Variants in GLI4 observed in about 807,000 individuals in gnomAD.
GLI4 encodes the protein zinc finger protein GLI4.
A neutral mutation model predicts 30.9 loss-of-function variants in GLI4; 34 were observed. The observed-to-expected ratio is 1.10, with a 90% CI of 0.84 to 1.47. GLI4 has a LOEUF of 1.47. Ranked by LOEUF, GLI4 falls within the 40% of genes most tolerant of loss-of-function variation. The probability of loss-of-function intolerance (pLI) is 0.00; values close to 1 mark genes in which losing one functional copy is unlikely to be tolerated. For missense variants in GLI4, 696 were observed against 538.9 expected (o/e 1.29, Z -2.89); for synonymous variants, 277 against 236.7 (o/e 1.17, Z -1.56).
In GLI4 at chr8:143,267,542, G is replaced by A. The variant is rs571873658; in HGVS notation, c.-38+58G>A. 6.1e-4 allele frequency: 597 copies of A among 985,620 alleles called. 1 individual carries two copies. Among genetic ancestry groups the A allele is most frequent in the Admixed American group, 4.2e-3 (68 of 16,274 alleles). 61.1% of individuals were successfully genotyped at this position (985,620 alleles called of 1,614,324 possible). A position where few individuals can be genotyped will look rare whatever the true frequency, so the allele number is the denominator to read the frequency against. The stretch of plus-strand genomic sequence containing the variant: ...GGTGCCTGGGACCAGCCCAGTCCGA[G>A]CTCGTGCGCCGTACTCCGCGGTGCA... On this transcript the variant is annotated intron_variant, in intron 1 of 3. Coordinates refer to ENST00000340042, the MANE Select transcript of GLI4 (RefSeq NM_138465.4).
At chr8:143,270,700 C>T (rs1381671830) in intron 2 of GLI4, among the ~76,000 whole-genome samples, 1 of 152,200 alleles carries the variant, frequency 6.6e-6, no homozygotes, top group Non-Finnish European at 1.5e-5. Context: ...TCTCCTGTCC[C>T]GTTACCAGTG....
chr8:143,272,874 C>G (rs543244669), intron 2 of GLI4, among the ~76,000 whole-genome samples: 2 of 152,274 alleles, frequency 1.3e-5, no homozygotes, highest in South Asian at 4.1e-4. Flanking sequence ...TCGGCTTGTT[C>G]CGCAGCAGGG....
Position 143,274,783 on chromosome 8 carries a change from CAG to C in GLI4, c.208_209del (p.Asp70HisfsTer23), listed in dbSNP as rs1815347998. On this transcript the variant is annotated frameshift_variant, in exon 3 of 4. Transcript: ENST00000340042. LOFTEE classifies it low-confidence loss of function (END_TRUNC). ...LQDVEEVEIG[R>X]DTFWPDSEPK... ...AAGACGTAGAGGAAGTGGAGATCGG[CAG>C]AGACACCTTCTGGCCCGGTGAGTGA... 3 of 1,566,054 alleles carry C rather than the reference CAG, an allele frequency of 1.9e-6. No homozygotes were observed. The highest frequency in any genetic ancestry group is 1.4e-5 in the African/African-American group (1 of 73,460).
At chr8:143,273,111 T>TCAC (rs1159705169) in intron 2 of GLI4, 1 of 152,326 alleles carries the variant, frequency 6.6e-6, no homozygotes, top group African/African-American at 2.4e-5. Flanking sequence ...TCCTCTCCAG[T>TCAC]GGTGTCCCAG....
At chr8:143,273,158 T>G (rs752664409) in intron 2 of GLI4, 2 of 152,262 alleles carry the variant, frequency 1.3e-5, no homozygotes, top group African/African-American at 2.4e-5. Context: ...TCAGGTGATG[T>G]CCTCACCGCC....
In GLI4 at chr8:143,272,152, T is replaced by C. The variant is rs545056250; in HGVS notation, c.125-2552T>C. On this transcript the variant is annotated intron_variant, in intron 2 of 3. Coordinates refer to ENST00000340042, the MANE Select transcript of GLI4 (RefSeq NM_138465.4). ...GGGAGGCCTGGGACCCTTGGGGGCT[T>C]GCAGCCCTGTGGGGGTTACTGAGTG... is the stretch of plus-strand genomic sequence containing the variant. Among the ~76,000 whole-genome samples the C allele has an allele frequency of 1.5e-4, 23 of 152,258 alleles. No individual in the cohort carries two copies. The East Asian group carries it at 4.5e-3, about 29-fold the overall frequency.
chr8:143,274,733 T>G lies in GLI4; in HGVS notation c.154T>G (p.Ser52Ala). The change falls in exon 3 of 4, where the codon TCC becomes GCC. Residue 52 changes from serine to alanine, a missense_variant. Transcript: ENST00000340042. ...GSPGSSPKVL[S>A]QPSDLDLQDV... ...CCCTGGCTCCAGCCCTAAGGTGCTC[T>G]CCCAGCCGTCCGACCTGGATCTCCA... 6.4e-7 allele frequency: 1 copy of G among 1,566,910 alleles called. No individual in the cohort carries two copies. The highest frequency in any genetic ancestry group is 8.7e-7 in the Non-Finnish European group (1 of 1,154,430).
intron 1 of GLI4, 121 bp downstream of exon 1, chr8:143,267,605 C>A: frequency 1.0e-6 from 1 of 985,424 alleles, no homozygotes; most frequent in Non-Finnish European, 1.2e-6. Flanking sequence ...TTGCAGCCGC[C>A]GCTCGCCGTG....
At chr8:143,275,380 G>A (rs1815361130) in intron 3 of GLI4, 2 of 1,402,116 alleles carry the variant, frequency 1.4e-6, no homozygotes, top group Non-Finnish European at 1.9e-6. Context: ...CCTGGAAAGA[G>A]ACCCTGGGCC....
intron 2 of GLI4, among the ~76,000 whole-genome samples, chr8:143,272,030 C>T (rs1338617401): frequency 3.3e-5 from 5 of 152,186 alleles, no homozygotes; most frequent in Admixed American, 1.3e-4. Context: ...CCCAAGGCCA[C>T]GCCCACCAGA....
chr8:143,273,786 A>T (rs12680177), intron 2 of GLI4, among the ~76,000 whole-genome samples: 3 of 151,942 alleles, frequency 2.0e-5, no homozygotes, highest in African/African-American at 7.3e-5. Context: ...TAAGAGACAC[A>T]CCCGTCCTTG....
intron 1 of GLI4, among the ~76,000 whole-genome samples, chr8:143,268,441 T>G (rs1190518131): frequency 6.6e-6 from 1 of 152,188 alleles, no homozygotes; most frequent in Non-Finnish European, 1.5e-5. Context: ...CTAAGAAGTG[T>G]CTTGGAGCCC....
Position 143,275,941 on chromosome 8 carries a change from C to A in GLI4, c.268C>A (p.Gln90Lys). The change falls in exon 4 of 4, where the codon CAG becomes AAG. Residue 90 changes from glutamine (Q) to lysine (K), a missense_variant. Transcript: ENST00000340042. The stretch of plus-strand genomic sequence containing the variant: ...GCAGGCTCCACGCTCTCCTGGCTCT[C>A]AGGCCCCTGACGAGGGGGCGGGCGG... ...PEQAPRSPGS[Q>K]APDEGAGGAL... 1 of 1,332,056 alleles carries A rather than the reference C, an allele frequency of 7.5e-7. No homozygotes were observed. Among genetic ancestry groups the A allele is most frequent in the Non-Finnish European group, 9.6e-7 (1 of 1,041,952 alleles). The allele number at this position is 1,332,056 out of a possible 1,614,324, so 82.5% of individuals were successfully genotyped here.
intron 3 of GLI4, chr8:143,275,646 G>A (rs996284318): frequency 5.7e-5 from 71 of 1,237,524 alleles, no homozygotes; most frequent in Non-Finnish European, 7.1e-5. Context: ...CACGGCCGCC[G>A]TGGTGACTGT....
At chr8:143,275,622 G>T in intron 3 of GLI4, 1 of 1,234,714 alleles carries the variant, frequency 8.1e-7, no homozygotes, top group Non-Finnish European at 1.0e-6. Flanking sequence ...TGCCACTGTG[G>T]CTCCGTGCAC....
Position 143,276,628 on chromosome 8 carries a change from G to A in GLI4, c.955G>A (p.Gly319Ser), listed in dbSNP as rs963067475. 55 of 1,612,430 alleles carry A rather than the reference G, an allele frequency of 3.4e-5. No homozygotes were observed. Among genetic ancestry groups the A allele is most frequent in the Non-Finnish European group, 4.7e-5 (55 of 1,179,758 alleles). The stretch of plus-strand genomic sequence containing the variant: ...CATCGAGCACCAGCGCATCCACACT[G>A]GCGAGAAGCCCTACGAGTGCTCCGA... The part of the protein sequence containing the change: ...VLIEHQRIHT[G>S]EKPYECSDCG... Residue 319 changes from glycine to serine, a missense_variant, in exon 4 of 4, where the codon GGC becomes AGC. Physicochemically the swap from Gly to Ser is moderately conservative, Grantham distance 56. Coordinates refer to ENST00000340042, the MANE Select transcript of GLI4 (RefSeq NM_138465.4).
chr8:143,274,488 TG>T (rs1307674414), intron 2 of GLI4: 1 of 397,480 alleles, frequency 2.5e-6, no homozygotes, highest in East Asian at 3.8e-5. Flanking sequence ...CTCCCAATGC[TG>T]GCCCCTGGAG....
At chr8:143,271,294 G>A (rs1175991080) in intron 2 of GLI4, among the ~76,000 whole-genome samples, 2 of 152,224 alleles carry the variant, frequency 1.3e-5, no homozygotes, top group East Asian at 3.9e-4. Flanking sequence ...GCGGGGCCTG[G>A]GAAGGCTGTC....
chr8:143,269,233 C>T, intron 1 of GLI4, 127 bp from the exon 2 acceptor site: 4 of 720,138 alleles, frequency 5.6e-6, no homozygotes, highest in Non-Finnish European at 9.5e-6. Context: ...CATCCTCCAT[C>T]CTTGCTCCTC....
Sources: gnomAD v4.1 joint callset for allele counts (sites outside exome capture counted in the v4.1 genomes callset) on GRCh38, gnomAD v4.1.1 for gene constraint, MANE v1.5 for transcripts, NCBI Gene and HGNC (gene_info 2026-07-23, HGNC 2026-07-21) for gene names.